The following REEP3 variants were observed in gnomAD, a reference collection of about 807,000 sequenced individuals.
REEP3 encodes receptor accessory protein 3.
Under a neutral mutation model 41.3 loss-of-function variants are expected in REEP3, and 20 were observed. The observed-to-expected ratio is 0.48, with a 90% CI of 0.34 to 0.70. REEP3 has a LOEUF of 0.70. Ranked by LOEUF, REEP3 falls within the 30% of genes least tolerant of loss-of-function variation. REEP3 has a pLI of 0.01. For missense variants in REEP3, 271 were observed against 308.8 expected (o/e 0.88, Z 0.92); for synonymous variants, 104 against 101.8 (o/e 1.02, Z -0.13).
At chr10:63,620,259 T>G (rs1217293832) in intron 7 of REEP3, among the ~76,000 whole-genome samples, 1 of 152,144 alleles carries the variant, frequency 6.6e-6, no homozygotes, top group Admixed American at 6.5e-5. Context: ...AATTCTTTAT[T>G]CAGATCAATG....
rs1486922715 is a variant in REEP3 at position 63,566,423 on chromosome 10, TTA to T, written c.105+15_105+16del. On this transcript the variant is annotated intron_variant, in intron 2 of 7. Coordinates refer to ENST00000373758, the MANE Select transcript of REEP3 (RefSeq NM_001001330.3). ...CGTGAAGGAATATGTAAGTATAGTT[TTA>T]TGAGTGATTAATCTGAGTTTAATAT... 5 of 1,333,266 alleles carry T rather than the reference TTA, an allele frequency of 3.8e-6. No individual in the cohort carries two copies. The highest frequency in any genetic ancestry group is 5.2e-6 in the Non-Finnish European group (5 of 953,564). The allele number at this position is 1,333,266 out of a possible 1,614,324, so 82.6% of individuals were successfully genotyped here.
At chr10:63,565,728 A>G in intron 1 of REEP3, among the ~76,000 whole-genome samples, 1 of 152,124 alleles carries the variant, frequency 6.6e-6, no homozygotes, top group Non-Finnish European at 1.5e-5. Flanking sequence ...GGTTGGAGCA[A>G]TTTTTATTTT....
intron 1 of REEP3, among the ~76,000 whole-genome samples, chr10:63,563,420 T>TC (rs1461645226): frequency 1.3e-5 from 2 of 152,194 alleles, no homozygotes; most frequent in African/African-American, 4.8e-5. Context: ...AATAGCTGAT[T>TC]CTAGGAATGG....
intron 1 of REEP3, among the ~76,000 whole-genome samples, chr10:63,560,793 C>G (rs1442649413): frequency 6.6e-6 from 1 of 152,096 alleles, no homozygotes; most frequent in East Asian, 1.9e-4. Context: ...TTTGATTTTA[C>G]ACACTGTGCT....
At position 63,596,177 on chromosome 10, in the gene REEP3, T is replaced by C. The variant is rs544583701; in HGVS notation, c.182+1323T>C. Reference sequence around the variant, plus strand: ...ACCTTCCCTTATTTGCAAACGTCACTGTATCTGTCTTCTGATTTGAAATAC... The same window carrying C: ...ACCTTCCCTTATTTGCAAACGTCACCGTATCTGTCTTCTGATTTGAAATAC... On this transcript the variant is annotated intron_variant, in intron 3 of 7. Transcript: ENST00000373758. 2.2e-4 allele frequency among the ~76,000 whole-genome samples: 33 copies of C among 152,330 alleles called. No homozygotes were observed. The South Asian group carries it at 6.6e-3, about 31-fold the overall frequency.
intron 5 of REEP3, among the ~76,000 whole-genome samples, chr10:63,609,695 AG>A (rs1218030501): frequency 6.6e-6 from 1 of 152,136 alleles, no homozygotes; most frequent in Admixed American, 6.6e-5. Flanking sequence ...TGGGAGGTAG[AG>A]GTTGCAGTAG....
intron 1 of REEP3, among the ~76,000 whole-genome samples, chr10:63,523,677 A>G (rs759999518): frequency 7.2e-5 from 11 of 152,180 alleles, no homozygotes; most frequent in Non-Finnish European, 1.5e-4. Context: ...TAGGCAGCCA[A>G]AGATGAAAAA....
At chr10:63,581,740 A>AT (rs1049082808) in intron 2 of REEP3, among the ~76,000 whole-genome samples, 2 of 147,404 alleles carry the variant, frequency 1.4e-5, no homozygotes, top group African/African-American at 5.4e-5. Context: ...AAGACCCTGT[A>AT]TTTAAAAAAA....
rs145041737 is a variant in REEP3 at position 63,524,497 on chromosome 10, G to T, written c.32+2920G>T. On this transcript the variant is annotated intron_variant, in intron 1 of 7. Transcript: ENST00000373758. ...CTGTCGCCCACGCTGGAGTGCGGTG[G>T]TGTGATCTCAACTCACTGCAACCTC... Among the ~76,000 whole-genome samples, 139 of 152,046 alleles carry T rather than the reference G, an allele frequency of 9.1e-4. 4 individuals carry two copies. The East Asian group carries it at 0.024, about 27-fold the overall frequency.
intron 1 of REEP3, among the ~76,000 whole-genome samples, chr10:63,556,925 G>A (rs1049121726): frequency 2.0e-5 from 3 of 152,082 alleles, no homozygotes; most frequent in South Asian, 2.1e-4. Context: ...GTGAGCCACC[G>A]CGCCCGGCCT....
At chr10:63,537,988 A>G (rs553883212) in intron 1 of REEP3, among the ~76,000 whole-genome samples, 2 of 132,870 alleles carry the variant, frequency 1.5e-5, no homozygotes, top group East Asian at 4.7e-4. Flanking sequence ...TTGTCTATTC[A>G]GATAACAGTT....
chr10:63,528,298 A>G (rs1302894711), intron 1 of REEP3, among the ~76,000 whole-genome samples: 1 of 152,094 alleles, frequency 6.6e-6, no homozygotes, highest in Non-Finnish European at 1.5e-5. Flanking sequence ...CACTCTGTTA[A>G]TGCCAGCTCC....
At chr10:63,617,292 T>C (rs1048216137) in intron 6 of REEP3, among the ~76,000 whole-genome samples, 1 of 152,236 alleles carries the variant, frequency 6.6e-6, no homozygotes, top group African/African-American at 2.4e-5. Flanking sequence ...CTGACTAATA[T>C]ACAATGCAAG....
At chr10:63,580,207 C>T (rs1312601218) in intron 2 of REEP3, among the ~76,000 whole-genome samples, 1 of 152,038 alleles carries the variant, frequency 6.6e-6, no homozygotes, top group Admixed American at 6.6e-5. Context: ...TGTGGTCAAA[C>T]TCACCACAGC....
At chr10:63,606,071 C>T in intron 5 of REEP3, 1 of 896,542 alleles carries the variant, frequency 1.1e-6, no homozygotes, top group Non-Finnish European at 1.3e-6. Context: ...TGGACTTTTA[C>T]ATTCTCATCA....
chr10:63,548,014 C>A (rs1955594618), intron 1 of REEP3, among the ~76,000 whole-genome samples: 1 of 152,162 alleles, frequency 6.6e-6, no homozygotes, highest in Admixed American at 6.6e-5. Context: ...AGGATGTAAC[C>A]TAAAGGTAGA....
At chr10:63,567,802 G>C (rs186368016) in intron 2 of REEP3, among the ~76,000 whole-genome samples, 1 of 152,022 alleles carries the variant, frequency 6.6e-6, no homozygotes, top group East Asian at 1.9e-4. Context: ...CAGGGTTTTT[G>C]GGGGGTGGGA....
rs959135067 is a variant in REEP3, at chr10:63,596,733, A to T, written c.183-1291A>T. Among the ~76,000 whole-genome samples, 3 of 152,202 alleles carry T rather than the reference A, an allele frequency of 2.0e-5. No homozygotes were observed. In the East Asian group the frequency reaches 5.8e-4, roughly 29 times the overall value. On this transcript the variant is annotated intron_variant, in intron 3 of 7. Coordinates refer to ENST00000373758, the MANE Select transcript of REEP3 (RefSeq NM_001001330.3). ...TTCTTGCTCAAGCTACATGAGGGCAAATGGTTGACTGCATCTTTGCTGGGG... is the reference window on the plus strand; with the variant it reads ...TTCTTGCTCAAGCTACATGAGGGCATATGGTTGACTGCATCTTTGCTGGGG...
At chr10:63,550,116 A>G (rs887570537) in intron 1 of REEP3, among the ~76,000 whole-genome samples, 7 of 152,202 alleles carry the variant, frequency 4.6e-5, no homozygotes, top group African/African-American at 1.4e-4. Flanking sequence ...CGTGAGCCCA[A>G]ATGTGTTATT....
Sources: allele counts gnomAD v4.1 joint callset (sites outside exome capture counted in the v4.1 genomes callset), GRCh38; gene constraint gnomAD v4.1.1; transcripts MANE v1.5; gene names NCBI Gene and HGNC (gene_info 2026-07-23, HGNC 2026-07-21).